The following TENM3 variants were observed in gnomAD, a reference collection of about 807,000 sequenced individuals.
TENM3 encodes the protein teneurin transmembrane protein 3.
In TENM3, 63 loss-of-function variants were observed where a neutral mutation model predicts 255.1. The ratio of observed to expected loss-of-function variants is 0.25; its 90% CI spans 0.20 to 0.30. TENM3 has a LOEUF of 0.30. Among genes scored for constraint, TENM3 ranks in the 10% least tolerant of loss-of-function variants. The probability of loss-of-function intolerance (pLI) is 1.00; values close to 1 mark genes in which losing one functional copy is unlikely to be tolerated. For synonymous variants in TENM3, 1,306 were observed against 1,322.3 expected, an observed-to-expected ratio of 0.99 and a Z score of 0.27; for missense variants, 2,929 against 3,461.1, an observed-to-expected ratio of 0.85 and a Z score of 3.86.
At chr4:181,902,161 GGTATATTT>G in the TENM3 span, among the ~76,000 whole-genome samples, 1 of 145,420 alleles carries the variant, frequency 6.9e-6, no homozygotes, top group Non-Finnish European at 1.5e-5. Context: ...TTTGGAGATA[GGTATATTT>G]GTATATCTTA....
At chr4:181,534,103 A>C in the TENM3 span, among the ~76,000 whole-genome samples, 2 of 152,108 alleles carry the variant, frequency 1.3e-5, no homozygotes, top group Non-Finnish European at 2.9e-5. Flanking sequence ...AAAGAACTGC[A>C]TTCAAGGCCG....
intron 27 of TENM3, among the ~76,000 whole-genome samples, chr4:182,798,001 AGGT>A (rs1370029305): frequency 1.3e-5 from 2 of 152,190 alleles, no homozygotes; most frequent in Non-Finnish European, 2.9e-5. Context: ...ACCTTGTATA[AGGT>A]GGTGATCACA....
At chr4:182,266,342 G>A (rs1195016202) in intron 1 of TENM3, among the ~76,000 whole-genome samples, 3 of 152,208 alleles carry the variant, frequency 2.0e-5, no homozygotes, top group South Asian at 2.1e-4. Context: ...AAATTAAAAT[G>A]TCAAAGAATT....
At chr4:181,507,430 C>T in the TENM3 span, among the ~76,000 whole-genome samples, 2 of 152,228 alleles carry the variant, frequency 1.3e-5, no homozygotes, top group Non-Finnish European at 1.5e-5. Context: ...TCTTCAGAAT[C>T]TGTTTACGAA....
chr4:182,156,722 A>G (rs1189410516), intron 1 of TENM3, among the ~76,000 whole-genome samples: 2 of 151,550 alleles, frequency 1.3e-5, no homozygotes, highest in Non-Finnish European at 1.5e-5. Flanking sequence ...TATAAATACA[A>G]TAAATCTCTG....
At chr4:182,777,511 A>ATGTGTGTTTGTG (rs1764770868) in intron 24 of TENM3, among the ~76,000 whole-genome samples, 1 of 99,852 alleles carries the variant, frequency 1.0e-5, no homozygotes, top group Non-Finnish European at 1.9e-5. Flanking sequence ...TAATGTGTTT[A>ATGTGTGTTTGTG]TGTGTGTGTG....
chr4:182,039,178 A>C, the TENM3 span, among the ~76,000 whole-genome samples: 1 of 152,198 alleles, frequency 6.6e-6, no homozygotes, highest in East Asian at 1.9e-4. Context: ...TTTCCAGGAC[A>C]TGGTGGCTCA....
the TENM3 span, among the ~76,000 whole-genome samples, chr4:182,018,840 C>T: frequency 6.6e-6 from 1 of 152,256 alleles, no homozygotes; most frequent in South Asian, 2.1e-4. Context: ...TCATCTGATT[C>T]TATAGTAACC....
At chr4:182,400,905 G>T (rs1291014808) in intron 3 of TENM3, among the ~76,000 whole-genome samples, 1 of 152,128 alleles carries the variant, frequency 6.6e-6, no homozygotes, top group Non-Finnish European at 1.5e-5. Context: ...TATACTATGG[G>T]GGTAGAAAGC....
rs139393518 is a variant in TENM3, at chr4:182,694,629, A to G, written c.2221+6278A>G. On this transcript the variant is annotated intron_variant, in intron 12 of 27. Coordinates refer to ENST00000511685, the MANE Select transcript of TENM3 (RefSeq NM_001080477.4). Reference sequence around the variant, plus strand: ...TTGTTTTTATTCTAATTCTTAGTACATTAGGAAACAAGATCATTAATGATC... The same window carrying G: ...TTGTTTTTATTCTAATTCTTAGTACGTTAGGAAACAAGATCATTAATGATC... 6.0e-3 allele frequency among the ~76,000 whole-genome samples: 909 copies of G among 152,310 alleles called. 7 individuals are homozygous for G. The highest frequency in any genetic ancestry group is 0.02 in the African/African-American group (830 of 41,560).
chr4:181,582,669 C>CA, the TENM3 span, among the ~76,000 whole-genome samples: 157 of 124,730 alleles, frequency 1.3e-3, 1 homozygote, highest in African/African-American at 3.4e-3. Flanking sequence ...CAAAACAAAT[C>CA]AAAAAAAAAA....
At chr4:181,977,535 GC>G in the TENM3 span, among the ~76,000 whole-genome samples, 3 of 152,238 alleles carry the variant, frequency 2.0e-5, no homozygotes, top group African/African-American at 7.2e-5. Context: ...CTGGAAGGCT[GC>G]ATTAAGGATG....
intron 3 of TENM3, among the ~76,000 whole-genome samples, chr4:182,497,919 C>T (rs534429070): frequency 6.8e-6 from 1 of 147,680 alleles, no homozygotes; most frequent in Admixed American, 6.7e-5. Context: ...ATAGGAATTT[C>T]ACAAAGCCTT....
the TENM3 span, among the ~76,000 whole-genome samples, chr4:181,467,195 T>C: frequency 3.6e-4 from 51 of 143,410 alleles, no homozygotes; most frequent in African/African-American, 1.3e-3. Context: ...AATGGCACGA[T>C]CTTGGCTCCC....
At chr4:182,159,457 TG>T (rs539663750) in intron 1 of TENM3, among the ~76,000 whole-genome samples, 1 of 19,316 alleles carries the variant, frequency 5.2e-5, no homozygotes, top group Non-Finnish European at 2.0e-4. Context: ...AGTGTGTGTG[TG>T]TGTGTGTGTG....
chr4:181,481,881 T>A, the TENM3 span, among the ~76,000 whole-genome samples: 2 of 152,294 alleles, frequency 1.3e-5, no homozygotes, highest in East Asian at 3.9e-4. Flanking sequence ...ATTCATATAT[T>A]CTTCAAAAAT....
At chr4:182,733,356 G>T (rs760208397) in intron 16 of TENM3, among the ~76,000 whole-genome samples, 1 of 152,208 alleles carries the variant, frequency 6.6e-6, no homozygotes, top group Non-Finnish European at 1.5e-5. Context: ...GCCATTGAAG[G>T]TGTTTAAGCA....
chr4:182,520,877 A>G (rs1738495359), intron 3 of TENM3, among the ~76,000 whole-genome samples: 1 of 152,120 alleles, frequency 6.6e-6, no homozygotes. Flanking sequence ...TTCTAATGGT[A>G]ATTGATAACC....
chr4:181,544,251 A>G, the TENM3 span, among the ~76,000 whole-genome samples: 1 of 151,956 alleles, frequency 6.6e-6, no homozygotes, highest in Non-Finnish European at 1.5e-5. Flanking sequence ...CTAACTATAA[A>G]TAAACTCTTG....
Sources: allele counts gnomAD v4.1 joint callset (sites outside exome capture counted in the v4.1 genomes callset), GRCh38; gene constraint gnomAD v4.1.1; transcripts MANE v1.5; gene names NCBI Gene and HGNC (gene_info 2026-07-23, HGNC 2026-07-21).